HERC2: variants seen among roughly 807,000 people sequenced by gnomAD.
HERC2 encodes the protein HECT and RLD domain containing E3 ubiquitin protein ligase 2, also known as E3 ubiquitin-protein ligase HERC2.
A neutral mutation model predicts 537.7 loss-of-function variants in HERC2; 102 were observed. That is an observed-to-expected ratio of 0.19 (90% CI 0.16 to 0.22). The LOEUF (loss-of-function observed/expected upper bound fraction) is 0.22, where lower values mean the gene tolerates loss of function less well. Ranked by LOEUF, HERC2 falls within the 10% of genes least tolerant of loss-of-function variation. HERC2 has a pLI of 1.00. For missense variants in HERC2, 4,236 were observed against 6,198.2 expected (o/e 0.68, Z 10.63); for synonymous variants, 2,224 against 2,466.2 (o/e 0.90, Z 2.91).
At chr15:28,228,659 CGGGCAATTACT>C (rs1459875429) in intron 34 of HERC2, among the ~76,000 whole-genome samples, 3 of 152,210 alleles carry the variant, frequency 2.0e-5, no homozygotes, top group African/African-American at 7.2e-5. Context: ...GCAGAAAGCA[CGGGCAATTACT>C]TTAAACATCT....
chr15:28,243,109 A>T (rs184781242), intron 23 of HERC2, among the ~76,000 whole-genome samples: 39 of 152,304 alleles, frequency 2.6e-4, no homozygotes, highest in African/African-American at 9.4e-4. Context: ...AAGCATAGAC[A>T]ATCACTTGGT....
At chr15:28,185,378 C>G (rs914619919) in intron 56 of HERC2, among the ~76,000 whole-genome samples, 1 of 152,130 alleles carries the variant, frequency 6.6e-6, no homozygotes, top group African/African-American at 2.4e-5. Context: ...TGGAGGGCCC[C>G]GGTCACACTA....
At chr15:28,242,624 C>T (rs1031942812) in intron 23 of HERC2, among the ~76,000 whole-genome samples, 1 of 152,014 alleles carries the variant, frequency 6.6e-6, no homozygotes, top group Non-Finnish European at 1.5e-5. Context: ...AAATGAGATG[C>T]AAAATCTAGA....
chr15:28,141,370 G>T, intron 78 of HERC2, 62 bp downstream of exon 78: 1 of 1,457,612 alleles, frequency 6.9e-7, no homozygotes. Context: ...GAACCACACA[G>T]CACCTTTAGC....
rs1281440750 is a variant in HERC2 at position 28,272,902 on chromosome 15, G to A, written c.903C>T (p.Gly301=). ...TCTGCGGCAGCCCTCACCTCAGCGT[G>A]CCTCTCTGCACAGCCAGCTCCAGCA... The part of the protein sequence containing the change: ...AILLELAVQR[G]TLSQMLSAIL... Residue 301 remains glycine (G), a synonymous_variant, in exon 8 of 93, where the codon GGC becomes GGT. Transcript: ENST00000261609. 1 of 1,609,488 alleles carries A rather than the reference G, an allele frequency of 6.2e-7. No homozygotes were observed.
intron 38 of HERC2, among the ~76,000 whole-genome samples, chr15:28,216,514 G>A (rs1328019537): frequency 6.9e-6 from 1 of 144,114 alleles, no homozygotes; most frequent in African/African-American, 2.6e-5. Flanking sequence ...GAGGGACCCC[G>A]CCCACAGCCC....
At chr15:28,271,415 C>G (rs1422990422) in intron 9 of HERC2, among the ~76,000 whole-genome samples, 1 of 152,208 alleles carries the variant, frequency 6.6e-6, no homozygotes, top group Non-Finnish European at 1.5e-5. Flanking sequence ...GTAATCCCAG[C>G]ACTTTGGGAG....
chr15:28,198,796 C>G, intron 48 of HERC2, 27 bp from the exon 49 acceptor site: 1 of 1,586,832 alleles, frequency 6.3e-7, no homozygotes, highest in Non-Finnish European at 8.6e-7. Context: ...ATTGGAGATC[C>G]AGTCCATCAT....
chr15:28,240,412 C>T (rs377653565), intron 23 of HERC2, among the ~76,000 whole-genome samples: 1 of 151,340 alleles, frequency 6.6e-6, no homozygotes, highest in Non-Finnish European at 1.5e-5. Context: ...AGCGAGACTC[C>T]GTCTAAAAAC....
Position 28,129,060 on chromosome 15 carries a change from A to C in HERC2, c.12802+1103T>G, listed in dbSNP as rs1206885333. On this transcript the variant is annotated intron_variant, in intron 83 of 92. Transcript: ENST00000261609. The stretch of plus-strand genomic sequence containing the variant: ...CTGGGCCCACTAAATAATCCAGAAT[A>C]ATCTCCATATCATCAAGTCAGCTGA... Among the ~76,000 whole-genome samples, 2 of 152,186 alleles carry C rather than the reference A, an allele frequency of 1.3e-5. 1 individual carries two copies. Among genetic ancestry groups the C allele is most frequent in the Non-Finnish European group, 2.9e-5 (2 of 68,040 alleles).
intron 79 of HERC2, among the ~76,000 whole-genome samples, chr15:28,134,440 A>G (rs1221493537): frequency 2.0e-5 from 3 of 152,312 alleles, no homozygotes; most frequent in Admixed American, 2.0e-4. Context: ...TTTACAATCT[A>G]GATGCCTTTT....
At chr15:28,280,689 G>C (rs2141053222) in intron 4 of HERC2, among the ~76,000 whole-genome samples, 1 of 152,240 alleles carries the variant, frequency 6.6e-6, no homozygotes, top group Non-Finnish European at 1.5e-5. Flanking sequence ...TGGATCACTT[G>C]AGGTCAGGAG....
intron 69 of HERC2, among the ~76,000 whole-genome samples, chr15:28,153,746 T>C (rs917130464): frequency 5.3e-5 from 8 of 152,130 alleles, no homozygotes; most frequent in African/African-American, 1.9e-4. Flanking sequence ...GTGGTGACAA[T>C]AGCTTCATTT....
chr15:28,215,739 C>T lies in HERC2; in HGVS notation c.6092G>A (p.Arg2031Gln), dbSNP rs2905938. 2.2e-5 allele frequency: 36 copies of T among 1,611,834 alleles called. No individual in the cohort carries two copies. Among genetic ancestry groups the T allele is most frequent in the African/African-American group, 6.7e-5 (5 of 74,876 alleles). Residue 2031 changes from arginine to glutamine, a missense_variant, in exon 39 of 93, where the codon CGG (arginine) becomes CAG (glutamine). Physicochemically the swap from Arg to Gln is conservative, Grantham distance 43 (BLOSUM62 1). Around this residue, in one of 27 missense-constraint regions of HERC2, gnomAD observed 365 missense variants for 468.8 expected, o/e 0.78. Coordinates refer to ENST00000261609, the MANE Select transcript of HERC2 (RefSeq NM_004667.6). ...TACCTGCGGCGTGAGAGCGATGCTC[C>T]GCACAAACCCCAGCGTGCACCAGCT... ...HRSWCTLGFV[R>Q]SIALTPQVCG...
In HERC2 at chr15:28,268,524, A is replaced by G; in HGVS notation, c.1539T>C (p.Thr513=). ...DGHHYLALAA[T]GEVYSWGCGD... ...CACAGCCCCAGGAGTACACCTCTCC[A>G]GTAGCAGCCAAGGCTAGGTAGTGGT... Residue 513 remains threonine (T), a synonymous_variant, in exon 12 of 93, where the codon ACT becomes ACC. Transcript: ENST00000261609. This position sits in a 1 kb window ranked among gnomAD's most constrained non-coding sequence, Gnocchi z 4.7. 6.2e-7 allele frequency: 1 copy of G among 1,614,182 alleles called. No homozygotes were observed. Among genetic ancestry groups the G allele is most frequent in the Non-Finnish European group, 8.5e-7 (1 of 1,180,008 alleles).
At chr15:28,140,874 C>T (rs1467279413) in intron 78 of HERC2, among the ~76,000 whole-genome samples, 1 of 151,876 alleles carries the variant, frequency 6.6e-6, no homozygotes, top group East Asian at 1.9e-4. Context: ...ACAAGAAATA[C>T]ATCTAACGAG....
chr15:28,114,923 G>T, intron 89 of HERC2, 121 bp from the exon 90 acceptor site: 2 of 735,782 alleles, frequency 2.7e-6, no homozygotes. Flanking sequence ...GCATCTCGAG[G>T]CTGCAAGTGC....
chr15:28,305,735 A>G (rs1191463161), intron 2 of HERC2, among the ~76,000 whole-genome samples: 29 of 140,546 alleles, frequency 2.1e-4, no homozygotes, highest in African/African-American at 7.6e-4. Context: ...ATCAGAGTGA[A>G]CAGGCAACCT....
intron 3 of HERC2, among the ~76,000 whole-genome samples, chr15:28,293,275 C>T (rs993415023): frequency 2.0e-5 from 3 of 152,078 alleles, no homozygotes; most frequent in African/African-American, 7.2e-5. Context: ...GGGTGGATCA[C>T]AAGGTCAGGA....
Sources: gnomAD v4.1 joint callset for allele counts (sites outside exome capture counted in the v4.1 genomes callset) on GRCh38, gnomAD v4.1.1 for gene constraint, gnomAD v4.1.1 regional missense constraint, Gnocchi (gnomAD v3.1) non-coding constraint, MANE v1.5 for transcripts, NCBI Gene and HGNC (gene_info 2026-07-23, HGNC 2026-07-21) for gene names.